The following CEP43 variants were observed in gnomAD, a reference collection of about 807,000 sequenced individuals.
The protein encoded by CEP43 is FGFR1 oncogene partner.
In CEP43, 36 loss-of-function variants were observed where a neutral mutation model predicts 52.6. That is an observed-to-expected ratio of 0.68 (90% CI 0.52 to 0.90). The LOEUF (loss-of-function observed/expected upper bound fraction) is 0.90, where lower values mean the gene tolerates loss of function less well. Among genes scored for constraint, CEP43 ranks in the 40% least tolerant of loss-of-function variants. The probability of loss-of-function intolerance (pLI) is 0.00; values close to 1 mark genes in which losing one functional copy is unlikely to be tolerated. For missense variants in CEP43, 506 were observed against 472.8 expected (o/e 1.07, Z -0.65); for synonymous variants, 192 against 172.4 (o/e 1.11, Z -0.89).
At chr6:167,031,185 T>C (rs1425658907) in intron 10 of CEP43, among the ~76,000 whole-genome samples, 1 of 152,200 alleles carries the variant, frequency 6.6e-6, no homozygotes, top group Non-Finnish European at 1.5e-5. Context: ...GCCTCCCAAG[T>C]AGCTGGATTA....
Position 167,020,908 on chromosome 6 carries a change from CAAAAAAAAAAAAAAAA to C in CEP43, c.580-1492_580-1477del, listed in dbSNP as rs147460349. On this transcript the variant is annotated intron_variant, in intron 7 of 12. Transcript: ENST00000366847. ...TGAGTGACAGAGCGAGACTCTGTCT[CAAAAAAAAAAAAAAAA>C]AAAAAAAAGATTATACGACTGGGTG... 3.8e-5 allele frequency among the ~76,000 whole-genome samples: 3 copies of C among 79,052 alleles called. No homozygotes were observed. The Admixed American group carries it at 4.7e-4, about 12-fold the overall frequency. 51.9% of individuals were successfully genotyped at this position (79,052 alleles called of 152,430 possible).
intron 8 of CEP43, among the ~76,000 whole-genome samples, chr6:167,022,990 G>A (rs1158706347): frequency 6.6e-6 from 1 of 152,162 alleles, no homozygotes; most frequent in South Asian, 2.1e-4. Flanking sequence ...GGTGATGAGA[G>A]CAGAGCAGTG....
Position 167,040,006 on chromosome 6 carries a change from C to G in CEP43, c.*28C>G. 5.0e-6 allele frequency: 8 copies of G among 1,608,774 alleles called. No individual in the cohort carries two copies. The highest frequency in any genetic ancestry group is 6.8e-6 in the Non-Finnish European group (8 of 1,179,050). ...ACGAAGAAGGAAGTATTCTAATTAA[C>G]AAGGACAGAGGACTGACCGGTTCCA... On this transcript the variant is annotated 3_prime_UTR_variant, in exon 13 of 13. Coordinates refer to ENST00000366847, the MANE Select transcript of CEP43 (RefSeq NM_007045.4).
intron 9 of CEP43, among the ~76,000 whole-genome samples, 188 bp from the exon 10 acceptor site, chr6:167,026,359 G>T (rs115412850): frequency 1.3e-5 from 2 of 152,034 alleles, no homozygotes; most frequent in Admixed American, 1.3e-4. Context: ...ATGAGACTCC[G>T]TCTCAAAAAA....
intron 2 of CEP43, among the ~76,000 whole-genome samples, chr6:167,002,141 C>T (rs1779750627): frequency 6.6e-6 from 1 of 152,134 alleles, no homozygotes; most frequent in Admixed American, 6.5e-5. Flanking sequence ...CAAGGTACTG[C>T]GCATATCCTT....
chr6:167,003,134 T>C (rs2128657086), intron 2 of CEP43, 59 bp from the exon 3 acceptor site: 1 of 768,460 alleles, frequency 1.3e-6, no homozygotes, highest in Non-Finnish European at 2.1e-6. Context: ...TTAAACTTTA[T>C]ATTTTGTAGT....
rs1468764107 is a variant in CEP43 at position 167,040,228 on chromosome 6, C to T, written c.*250C>T. 48 of 1,520,420 alleles carry T rather than the reference C, an allele frequency of 3.2e-5. No individual in the cohort carries two copies. Among genetic ancestry groups the T allele is most frequent in the Non-Finnish European group, 4.0e-5 (46 of 1,141,920 alleles). 94.2% of individuals were successfully genotyped at this position (1,520,420 alleles called of 1,614,324 possible). Reference sequence around the variant, plus strand: ...TTTCTTTATGGAAATTGATTATCTACACTCAGTTTCATTACAGGGAAGGAA... The same window carrying T: ...TTTCTTTATGGAAATTGATTATCTATACTCAGTTTCATTACAGGGAAGGAA... On this transcript the variant is annotated 3_prime_UTR_variant, in exon 13 of 13. Coordinates refer to ENST00000366847, the MANE Select transcript of CEP43 (RefSeq NM_007045.4).
Position 167,052,480 on chromosome 6 carries a change from C to T in CEP43, c.*12502C>T, listed in dbSNP as rs1403332309. The T allele has an allele frequency of 6.6e-6, 1 of 152,124 alleles. No individual in the cohort carries two copies. Among genetic ancestry groups the T allele is most frequent in the Admixed American group, 6.6e-5 (1 of 15,254 alleles). The allele number at this position is 152,124 out of a possible 1,614,324, so 9.4% of individuals were successfully genotyped here. On this transcript the variant is annotated 3_prime_UTR_variant, in exon 13 of 13. Coordinates refer to ENST00000366847, the MANE Select transcript of CEP43 (RefSeq NM_007045.4). ...ACAACTCTTTGGAAGATGAAATCCC[C>T]CTCTTCCCTGCATCTTATTAGAACA...
At chr6:167,027,601 C>T (rs966574539) in intron 10 of CEP43, among the ~76,000 whole-genome samples, 1 of 152,292 alleles carries the variant, frequency 6.6e-6, no homozygotes. Flanking sequence ...TCTGGAGAGA[C>T]ATTCTGGATA....
rs1341436096 is a variant in CEP43 at position 167,002,773 on chromosome 6, TC to T, written c.157-419del. On this transcript the variant is annotated intron_variant, in intron 2 of 12. Coordinates refer to ENST00000366847, the MANE Select transcript of CEP43 (RefSeq NM_007045.4). ...AAGTTGGCCTATGGGCCGCATAAGA[TC>T]ATCTCACATTTCATGGATAAACTGG... 1.3e-4 allele frequency among the ~76,000 whole-genome samples: 20 copies of T among 152,226 alleles called. 1 individual carries two copies. The highest frequency in any genetic ancestry group is 4.8e-4 in the African/African-American group (20 of 41,456).
At chr6:167,036,709 G>A (rs775400847) in intron 12 of CEP43, 16 of 983,302 alleles carry the variant, frequency 1.6e-5, no homozygotes, top group Non-Finnish European at 1.8e-5. Flanking sequence ...ATTTTGTGAT[G>A]TAAAATCTAT....
In CEP43 at chr6:167,047,554, T is replaced by C. The variant is rs1205728143; in HGVS notation, c.*7576T>C. On this transcript the variant is annotated 3_prime_UTR_variant, in exon 13 of 13. Transcript: ENST00000366847. ...TAGTACTCAGTAAATACTATTTTTATTAAGAAGGTAAGATTCACAGGACTT... is the reference window on the plus strand; with the variant it reads ...TAGTACTCAGTAAATACTATTTTTACTAAGAAGGTAAGATTCACAGGACTT... 6.6e-6 allele frequency: 1 copy of C among 152,168 alleles called. No homozygotes were observed. Among genetic ancestry groups the C allele is most frequent in the Non-Finnish European group, 1.5e-5 (1 of 68,030 alleles). 9.4% of individuals were successfully genotyped at this position (152,168 alleles called of 1,614,324 possible).
At chr6:167,005,508 G>A (rs1268376166) in intron 5 of CEP43, among the ~76,000 whole-genome samples, 3 of 152,194 alleles carry the variant, frequency 2.0e-5, no homozygotes, top group African/African-American at 7.2e-5. Context: ...GTTGTGGGGC[G>A]AGGATTGGGA....
rs545249617 is a variant in CEP43 at position 167,041,897 on chromosome 6, C to T, written c.*1919C>T. ...GGAGTACAGTGATGCGATCTCGGCT[C>T]ACTGCAACCTCCGCCTCCTGGGTTC... On this transcript the variant is annotated 3_prime_UTR_variant, in exon 13 of 13. Coordinates refer to ENST00000366847, the MANE Select transcript of CEP43 (RefSeq NM_007045.4). 168 of 731,750 alleles carry T rather than the reference C, an allele frequency of 2.3e-4. No individual in the cohort carries two copies. The highest frequency in any genetic ancestry group is 2.1e-3 in the South Asian group (34 of 15,886). 45.3% of individuals were successfully genotyped at this position (731,750 alleles called of 1,614,324 possible). A position where few individuals can be genotyped will look rare whatever the true frequency, so the allele number is the denominator to read the frequency against.
intron 5 of CEP43, among the ~76,000 whole-genome samples, chr6:167,009,030 G>A (rs1227873096): frequency 1.3e-5 from 2 of 152,034 alleles, no homozygotes; most frequent in Non-Finnish European, 2.9e-5. Flanking sequence ...CGAGGCAGGC[G>A]GATCACTTGA....
At chr6:167,031,573 C>T (rs111338845) in intron 10 of CEP43, among the ~76,000 whole-genome samples, 12 of 152,282 alleles carry the variant, frequency 7.9e-5, no homozygotes, top group South Asian at 2.1e-4. Context: ...GCAGTCTGAC[C>T]GATTTAGAGA....
chr6:167,041,715 A>G lies in CEP43; in HGVS notation c.*1737A>G, dbSNP rs1462935803. ...AAACTTTCGAACAGTAGCAACTGAA[A>G]TTTGTCACTTTTCTGTTACGCAGAG... On this transcript the variant is annotated 3_prime_UTR_variant, in exon 13 of 13. Coordinates refer to ENST00000366847, the MANE Select transcript of CEP43 (RefSeq NM_007045.4). The G allele has an allele frequency of 9.7e-7, 1 of 1,033,294 alleles. No individual in the cohort carries two copies. Among genetic ancestry groups the G allele is most frequent in the Admixed American group, 5.8e-5 (1 of 17,366 alleles). 64.0% of individuals were successfully genotyped at this position (1,033,294 alleles called of 1,614,324 possible).
intron 12 of CEP43, chr6:167,036,955 C>T (rs1409782093): frequency 6.2e-6 from 1 of 161,734 alleles, no homozygotes; most frequent in Non-Finnish European, 1.3e-5. Flanking sequence ...CAGGCATGTA[C>T]CACCATGCCC....
chr6:167,003,332 C>CTTT, intron 3 of CEP43, 85 bp downstream of exon 3: 1 of 712,524 alleles, frequency 1.4e-6, no homozygotes, highest in South Asian at 2.1e-5. Flanking sequence ...AATTTCAGGG[C>CTTT]TTTTTTTTTG....
Sources: allele counts gnomAD v4.1 joint callset (sites outside exome capture counted in the v4.1 genomes callset), GRCh38; gene constraint gnomAD v4.1.1; transcripts MANE v1.5; gene names NCBI Gene and HGNC (gene_info 2026-07-23, HGNC 2026-07-21).